The following PARK7 variants were observed in gnomAD, a reference collection of about 807,000 sequenced individuals.
The protein encoded by PARK7 is Parkinsonism associated deglycase.
In PARK7, 14 loss-of-function variants were observed where a neutral mutation model predicts 20.5. The observed-to-expected ratio is 0.68, with a 90% CI of 0.45 to 1.07. PARK7 has a LOEUF of 1.07. Ranked by LOEUF, PARK7 falls within the 50% of genes least tolerant of loss-of-function variation. The probability of loss-of-function intolerance (pLI) is 0.00; values close to 1 mark genes in which losing one functional copy is unlikely to be tolerated. For missense variants in PARK7, 234 were observed against 238.1 expected (o/e 0.98, Z 0.11); for synonymous variants, 98 against 84.3 (o/e 1.16, Z -0.89).
Position 7,969,450 on chromosome 1 carries a change from G to GGA in PARK7, c.252+46_252+47insGA, listed in dbSNP as rs1553123303. The GGA allele has an allele frequency of 9.2e-5, 68 of 740,678 alleles. No individual in the cohort carries two copies. The African/African-American group carries it at 1.0e-3, about 11-fold the overall frequency. 45.9% of individuals were successfully genotyped at this position (740,678 alleles called of 1,614,324 possible). A position where few individuals can be genotyped will look rare whatever the true frequency, so the allele number is the denominator to read the frequency against. ...ATACCTCAATAAAGCTGGGGGGGGG[G>GGA]AAAAACTAAAGAATTTCAGCATCTG... On this transcript the variant is annotated intron_variant, in intron 4 of 6. Transcript: ENST00000338639.
intron 5 of PARK7, among the ~76,000 whole-genome samples, chr1:7,974,023 A>G (rs2151434256): frequency 6.6e-6 from 1 of 152,252 alleles, no homozygotes; most frequent in East Asian, 1.9e-4. Flanking sequence ...ATTAAAAAAT[A>G]AACAGGCTGG....
intron 3 of PARK7, chr1:7,969,067 T>C (rs868861741): frequency 1.8e-5 from 7 of 378,872 alleles, no homozygotes; most frequent in Non-Finnish European, 3.4e-5. Context: ...CAAATACATA[T>C]ATCCTTGTCT....
At chr1:7,983,319 G>A (rs1353051296) in intron 6 of PARK7, among the ~76,000 whole-genome samples, 1 of 152,240 alleles carries the variant, frequency 6.6e-6, no homozygotes, top group Non-Finnish European at 1.5e-5. Context: ...GTTCACAGAG[G>A]AGCTTTGTCA....
chr1:7,984,407 C>T lies in PARK7; in HGVS notation c.410-487C>T, dbSNP rs895767935. ...TAGTCCTTGAGAGGGAATGTGGTTT[C>T]TACCTGCACACGCACACTCACATGC... On this transcript the variant is annotated intron_variant, in intron 6 of 6. Transcript: ENST00000338639. The surrounding 1 kb of genome is among the most constrained non-coding windows in gnomAD (Gnocchi z 4.3). Among the ~76,000 whole-genome samples the T allele has an allele frequency of 1.3e-5, 2 of 152,314 alleles. No individual in the cohort carries two copies. Among genetic ancestry groups the T allele is most frequent in the South Asian group, 4.1e-4 (2 of 4,832 alleles).
At position 7,985,378 on chromosome 1, in the gene PARK7, TAAAAG is replaced by T. The variant is rs529765388; in HGVS notation, c.*327_*331del. Reference sequence around the variant, plus strand: ...CTTAACTGTCCATATGGCACTGAAATAAAAGAACAGTGACCACATTTTACACAGCA... The same window carrying T: ...CTTAACTGTCCATATGGCACTGAAATAACAGTGACCACATTTTACACAGCA... On this transcript the variant is annotated 3_prime_UTR_variant, in exon 7 of 7. Transcript: ENST00000338639. 1.1e-5 allele frequency: 4 copies of T among 353,626 alleles called. No homozygotes were observed. The highest frequency in any genetic ancestry group is 2.2e-5 in the Non-Finnish European group (4 of 183,616). 21.9% of individuals were successfully genotyped at this position (353,626 alleles called of 1,614,324 possible). A position where few individuals can be genotyped will look rare whatever the true frequency, so the allele number is the denominator to read the frequency against.
At chr1:7,973,698 G>T (rs1460024379) in intron 5 of PARK7, among the ~76,000 whole-genome samples, 1 of 149,844 alleles carries the variant, frequency 6.7e-6, no homozygotes, top group African/African-American at 2.5e-5. Context: ...TGGGCAACAA[G>T]AGTGAAACTC....
Position 7,976,638 on chromosome 1 carries a change from T to C in PARK7, c.323-1014T>C, listed in dbSNP as rs986591835. 1.2e-3 allele frequency among the ~76,000 whole-genome samples: 179 copies of C among 152,340 alleles called. 1 individual carries two copies. The highest frequency in any genetic ancestry group is 3.9e-3 in the African/African-American group (162 of 41,576). ...CACAGGCTATCTCCTTCAAGGACAG[T>C]GTGCTGTCCATTTTAATCCTACCAC... On this transcript the variant is annotated intron_variant, in intron 5 of 6. Transcript: ENST00000338639.
chr1:7,982,379 CG>C (rs1557451820), intron 6 of PARK7, among the ~76,000 whole-genome samples: 1 of 152,102 alleles, frequency 6.6e-6, no homozygotes, highest in East Asian at 1.9e-4. Context: ...GCTGGTTGAA[CG>C]GGAAGTGTAA....
At chr1:7,981,660 G>GTTT (rs1245140194) in intron 6 of PARK7, among the ~76,000 whole-genome samples, 6,906 of 136,446 alleles carry the variant, frequency 0.051, 313 homozygotes, top group Non-Finnish European at 0.077. Context: ...TGTGTCTTTT[G>GTTT]TTTTTTTTTT....
intron 5 of PARK7, among the ~76,000 whole-genome samples, chr1:7,976,616 A>C (rs956945788): frequency 1.3e-5 from 2 of 152,234 alleles, no homozygotes; most frequent in Non-Finnish European, 2.9e-5. Context: ...GGCACTTCAC[A>C]GGCTATCTCC....
intron 5 of PARK7, among the ~76,000 whole-genome samples, chr1:7,976,015 G>C (rs225092): frequency 0.66 from 100,681 of 152,066 alleles, 34,556 homozygotes; most frequent in African/African-American, 0.85. Flanking sequence ...GAAACTGACA[G>C]CTGATATTAG....
intron 3 of PARK7, among the ~76,000 whole-genome samples, chr1:7,968,548 C>T (rs1379360900): frequency 6.6e-6 from 1 of 152,002 alleles, no homozygotes; most frequent in Non-Finnish European, 1.5e-5. Flanking sequence ...CAGAGTCTTG[C>T]TCTGTTGCCC....
At chr1:7,977,359 C>T (rs1269541095) in intron 5 of PARK7, among the ~76,000 whole-genome samples, 2 of 152,204 alleles carry the variant, frequency 1.3e-5, no homozygotes, top group Non-Finnish European at 2.9e-5. Context: ...TTGTTATAAA[C>T]ATACTTTATC....
intron 4 of PARK7, among the ~76,000 whole-genome samples, chr1:7,970,523 G>T (rs1290080904): frequency 1.3e-5 from 2 of 152,200 alleles, no homozygotes; most frequent in African/African-American, 4.8e-5. Flanking sequence ...GAAGTGGGTT[G>T]TGTCAGACAC....
chr1:7,963,181 A>G (rs1164360333), intron 2 of PARK7, among the ~76,000 whole-genome samples: 2 of 151,838 alleles, frequency 1.3e-5, no homozygotes, highest in Non-Finnish European at 2.9e-5. Flanking sequence ...TTCCCACCTC[A>G]GCCTCCCAAA....
chr1:7,978,169 G>A (rs550699007), intron 6 of PARK7, among the ~76,000 whole-genome samples: 1 of 149,922 alleles, frequency 6.7e-6, no homozygotes, highest in Non-Finnish European at 1.5e-5. Flanking sequence ...GCTAATTTTT[G>A]TATTTTTTAG....
Position 7,985,275 on chromosome 1 carries a change from G to A in PARK7, c.*221G>A. 1.7e-6 allele frequency: 1 copy of A among 575,898 alleles called. No homozygotes were observed. The highest frequency in any genetic ancestry group is 3.1e-6 in the Non-Finnish European group (1 of 327,578). 35.7% of individuals were successfully genotyped at this position (575,898 alleles called of 1,614,324 possible). On this transcript the variant is annotated 3_prime_UTR_variant, in exon 7 of 7. Transcript: ENST00000338639. ...GTTTGCAGAATAAACAGGGCATTTA[G>A]CAAACTACTGATTGTTTCTTGTTTT...
chr1:7,966,031 C>T lies in PARK7; in HGVS notation c.192+606C>T, dbSNP rs149847942. Among the ~76,000 whole-genome samples the T allele has an allele frequency of 1.6e-3, 246 of 152,184 alleles. 3 individuals are homozygous for T. Among genetic ancestry groups the T allele is most frequent in the African/African-American group, 5.6e-3 (234 of 41,540 alleles). On this transcript the variant is annotated intron_variant, in intron 3 of 6. Coordinates refer to ENST00000338639, the MANE Select transcript of PARK7 (RefSeq NM_007262.5). ...TGTAGTTGTGTTGTTTTTTCAGTAT[C>T]GTTGGAATTATGGCTCTTACCTTTA... is the stretch of plus-strand genomic sequence containing the variant.
chr1:7,977,985 CTTTTTTT>C (rs34231723), intron 6 of PARK7, among the ~76,000 whole-genome samples: 2 of 53,538 alleles, frequency 3.7e-5, no homozygotes, highest in Non-Finnish European at 6.7e-5. Flanking sequence ...GTCTCAAACT[CTTTTTTT>C]TTTTTTTTTT....
Sources: allele counts gnomAD v4.1 joint callset (sites outside exome capture counted in the v4.1 genomes callset), GRCh38; gene constraint gnomAD v4.1.1; non-coding constraint Gnocchi (gnomAD v3.1); transcripts MANE v1.5; gene names NCBI Gene and HGNC (gene_info 2026-07-23, HGNC 2026-07-21).